TRIM31: variants seen among roughly 807,000 people sequenced by gnomAD.
TRIM31 encodes E3 ubiquitin-protein ligase TRIM31.
A neutral mutation model predicts 40.6 loss-of-function variants in TRIM31; 31 were observed. The ratio of observed to expected loss-of-function variants is 0.76; its 90% CI spans 0.57 to 1.03. The LOEUF (loss-of-function observed/expected upper bound fraction) is 1.03. Among genes scored for constraint, TRIM31 ranks in the 50% least tolerant of loss-of-function variants. The pLI is 0.00. For missense variants in TRIM31, 455 were observed against 497.5 expected (o/e 0.91, Z 0.81); for synonymous variants, 164 against 193.9 (o/e 0.85, Z 1.28).
intron 7 of TRIM31, 44 bp downstream of exon 7, chr6:30,105,123 CT>C (rs1213141567): frequency 3.8e-6 from 6 of 1,559,104 alleles, no homozygotes; most frequent in Admixed American, 1.7e-5. Context: ...CCTTTTCTCA[CT>C]TTCCCCAAAT....
Position 30,103,495 on chromosome 6 carries a change from G to C in TRIM31, c.*41C>G. On this transcript the variant is annotated 3_prime_UTR_variant, in exon 9 of 9. Coordinates refer to ENST00000376734, the MANE Select transcript of TRIM31 (RefSeq NM_007028.5). ...ACTCAGCGCCACTCTATGCTCCGAA[G>C]TCCGTGTAGCACCACCGCTCCCCGT... The C allele has an allele frequency of 1.2e-6, 2 of 1,608,784 alleles. No homozygotes were observed. The highest frequency in any genetic ancestry group is 1.7e-6 in the Non-Finnish European group (2 of 1,177,604).
At chr6:30,107,640 A>G (rs1470287797) in intron 6 of TRIM31, 1 of 157,256 alleles carries the variant, frequency 6.4e-6, no homozygotes, top group African/African-American at 2.4e-5. Flanking sequence ...CTGATTTTGA[A>G]TTTATTTTCT....
In TRIM31 at chr6:30,103,621, A is replaced by G. The variant is rs1768402033; in HGVS notation, c.1193T>C (p.Val398Ala). The G allele has an allele frequency of 6.2e-7, 1 of 1,612,966 alleles. No individual in the cohort carries two copies. The highest frequency in any genetic ancestry group is 1.3e-5 in the African/African-American group (1 of 74,922). The part of the protein sequence containing the change: ...ASSQDTKTFD[V>A]ALSEELHAAL... ...CGCATGGAGCTCCTCGGACAGCGCAACGTCAAATGTCTTCGTATCCTGAGA... is the reference window on the plus strand; with the variant it reads ...CGCATGGAGCTCCTCGGACAGCGCAGCGTCAAATGTCTTCGTATCCTGAGA... Residue 398 changes from valine to alanine, a missense_variant, in exon 9 of 9, where the codon GTT (valine) becomes GCT (alanine). By Grantham distance (64) the Val-to-Ala change is moderately conservative. Transcript: ENST00000376734.
chr6:30,106,307 G>A (rs756719015), intron 6 of TRIM31, among the ~76,000 whole-genome samples: 2 of 152,178 alleles, frequency 1.3e-5, no homozygotes, highest in Non-Finnish European at 2.9e-5. Context: ...GAGACGCGGG[G>A]GCCCTCTTAG....
rs1769528333 is a variant in TRIM31 at position 30,113,049 on chromosome 6, G to C, written c.-84+15C>G. On this transcript the variant is annotated intron_variant, in intron 1 of 8. Transcript: ENST00000376734. ...AAAATATTATAAAGAGAGGAAAACA[G>C]ATGGGCAGTCCTACCTTGCTACCTC... The C allele has an allele frequency of 2.0e-6, 1 of 493,492 alleles. No homozygotes were observed. The highest frequency in any genetic ancestry group is 3.5e-6 in the Non-Finnish European group (1 of 284,440). 30.6% of individuals were successfully genotyped at this position (493,492 alleles called of 1,614,324 possible).
chr6:30,104,914 C>T (rs1768529545), intron 7 of TRIM31, among the ~76,000 whole-genome samples: 2 of 152,176 alleles, frequency 1.3e-5, no homozygotes, highest in African/African-American at 4.8e-5. Context: ...CTTTTTCCTC[C>T]CTGTCTCTAG....
chr6:30,109,092 T>C, intron 4 of TRIM31, 44 bp from the exon 5 acceptor site: 3 of 1,609,824 alleles, frequency 1.9e-6, no homozygotes, highest in Non-Finnish European at 2.5e-6. Flanking sequence ...ACTTGGCTGA[T>C]TCCCAGGAGC....
rs1297972825 is a variant in TRIM31 at position 30,103,494 on chromosome 6, A to C, written c.*42T>G. The C allele has an allele frequency of 7.5e-6, 12 of 1,608,328 alleles. No individual in the cohort carries two copies. The highest frequency in any genetic ancestry group is 4.5e-5 in the East Asian group (2 of 44,842). On this transcript the variant is annotated 3_prime_UTR_variant, in exon 9 of 9. Transcript: ENST00000376734. The stretch of plus-strand genomic sequence containing the variant: ...CACTCAGCGCCACTCTATGCTCCGA[A>C]GTCCGTGTAGCACCACCGCTCCCCG...
Position 30,112,600 on chromosome 6 carries a change from G to A in TRIM31, c.206C>T (p.Ser69Leu), listed in dbSNP as rs766186873. Residue 69 changes from serine (S) to leucine (L), a missense_variant, in exon 2 of 9, where the codon TCG becomes TTG. Physicochemically the swap from Ser to Leu is moderately radical, Grantham distance 145 (BLOSUM62 -2). Transcript: ENST00000376734. ...TTTCTCCACCAGATTCCGCAACAGC[G>A]AGTTGAACCTGATTGCGTTCTTCCT... ...SVRKNAIRFN[S>L]LLRNLVEKIQ... 5.0e-6 allele frequency: 8 copies of A among 1,613,108 alleles called. No homozygotes were observed. Among genetic ancestry groups the A allele is most frequent in the Admixed American group, 3.3e-5 (2 of 60,030 alleles).
chr6:30,107,263 T>C (rs1317336078), intron 6 of TRIM31, among the ~76,000 whole-genome samples: 1 of 151,304 alleles, frequency 6.6e-6, no homozygotes, highest in Non-Finnish European at 1.5e-5. Context: ...TGTTTATGTC[T>C]GCCGAGTGGA....
intron 6 of TRIM31, among the ~76,000 whole-genome samples, chr6:30,106,597 G>GAAA (rs147839000): frequency 2.0e-5 from 3 of 148,310 alleles, no homozygotes; most frequent in Admixed American, 2.0e-4. Context: ...AAAAATAAGA[G>GAAA]AAAAAAAAAA....
intron 3 of TRIM31, 97 bp from the exon 4 acceptor site, chr6:30,110,775 T>C: frequency 8.3e-7 from 1 of 1,210,970 alleles, no homozygotes; most frequent in Non-Finnish European, 1.2e-6. Context: ...TTGTGTGGAA[T>C]TCCCAACCAG....
rs1306121218 is a variant in TRIM31, at chr6:30,103,514, TC to T, written c.*21del. On this transcript the variant is annotated 3_prime_UTR_variant, in exon 9 of 9. Transcript: ENST00000376734. ...TCCGAAGTCCGTGTAGCACCACCGC[TC>T]CCCGTGTTCTCTGAGCTGGCTTAGC... is the stretch of plus-strand genomic sequence containing the variant. 2 of 1,611,530 alleles carry T rather than the reference TC, an allele frequency of 1.2e-6. No individual in the cohort carries two copies. Among genetic ancestry groups the T allele is most frequent in the Non-Finnish European group, 1.7e-6 (2 of 1,179,088 alleles).
chr6:30,107,995 A>G (rs1768885838), intron 6 of TRIM31, 58 bp downstream of exon 6: 1 of 1,138,834 alleles, frequency 8.8e-7, no homozygotes, highest in African/African-American at 1.5e-5. Context: ...CAGTGGAGTG[A>G]GCAGGGAGAG....
In TRIM31 at chr6:30,112,791, C is replaced by T. The variant is rs368717514; in HGVS notation, c.15G>A (p.Gln5=). The change falls in exon 2 of 9, where the codon CAG becomes CAA. Residue 5 remains glutamine, a synonymous_variant. Coordinates refer to ENST00000376734, the MANE Select transcript of TRIM31 (RefSeq NM_007028.5). MASG[Q]FVNKLQEEVI... ...CTTCCTCTTGCAGTTTGTTCACAAA[C>T]TGCCCACTGGCCATGACAGAACAAC... 1 of 1,609,130 alleles carries T rather than the reference C, an allele frequency of 6.2e-7. No homozygotes were observed. The highest frequency in any genetic ancestry group is 8.5e-7 in the Non-Finnish European group (1 of 1,178,058).
intron 5 of TRIM31, chr6:30,108,705 G>C (rs1768990972): frequency 7.8e-6 from 4 of 511,226 alleles, no homozygotes; most frequent in South Asian, 7.2e-5. Context: ...TGGAGACAGA[G>C]AGGAGGGAAA....
chr6:30,108,831 G>C (rs1769005793), intron 5 of TRIM31, 195 bp downstream of exon 5: 1 of 644,956 alleles, frequency 1.6e-6, no homozygotes, highest in Non-Finnish European at 2.8e-6. Context: ...GAAAACAGCT[G>C]GTTTCTTTAA....
intron 7 of TRIM31, among the ~76,000 whole-genome samples, chr6:30,104,922 T>C (rs903140920): frequency 5.3e-5 from 8 of 152,222 alleles, no homozygotes; most frequent in Admixed American, 2.6e-4. Flanking sequence ...TCCCTGTCTC[T>C]AGGAGTGAAG....
Position 30,109,088 on chromosome 6 carries a change from C to T in TRIM31, c.745-40G>A, listed in dbSNP as rs1473678621. The T allele has an allele frequency of 2.5e-6, 4 of 1,611,956 alleles. No homozygotes were observed. The Admixed American group carries it at 6.7e-5, about 27-fold the overall frequency. ...GAAACAGCACAGCCTCAGCACTTGG[C>T]TGATTCCCAGGAGCCAAGGAGGAGA... On this transcript the variant is annotated intron_variant, in intron 4 of 8. Coordinates refer to ENST00000376734, the MANE Select transcript of TRIM31 (RefSeq NM_007028.5).
Sources: allele counts gnomAD v4.1 joint callset (sites outside exome capture counted in the v4.1 genomes callset), GRCh38; gene constraint gnomAD v4.1.1; transcripts MANE v1.5; gene names NCBI Gene and HGNC (gene_info 2026-07-23, HGNC 2026-07-21).